Variants in RPS6KC1 observed in about 807,000 individuals in gnomAD.
RPS6KC1 encodes the protein inactive ribosomal protein S6 kinase delta-1.
RPS6KC1 carries 54 observed loss-of-function variants against 103.8 expected under a neutral mutation model. The observed-to-expected ratio is 0.52, with a 90% confidence interval of 0.42 to 0.65. The LOEUF (loss-of-function observed/expected upper bound fraction) is 0.65. Among genes scored for constraint, RPS6KC1 ranks in the 30% least tolerant of loss-of-function variants. The probability of loss-of-function intolerance (pLI) is 0.00; values close to 1 mark genes in which losing one functional copy is unlikely to be tolerated. For missense variants in RPS6KC1, 1,151 were observed against 1,253.8 expected (o/e 0.92, Z 1.24); for synonymous variants, 439 against 438.7 (o/e 1.00, Z -0.01).
chr1:213,528,273 G>A, the RPS6KC1 span, among the ~76,000 whole-genome samples: 1 of 152,170 alleles, frequency 6.6e-6, no homozygotes, highest in Non-Finnish European at 1.5e-5. Context: ...TTTTCATATG[G>A]CAGCAGCAAG....
the RPS6KC1 span, among the ~76,000 whole-genome samples, chr1:213,598,470 TC>T: frequency 6.6e-6 from 1 of 152,170 alleles, no homozygotes; most frequent in Admixed American, 6.5e-5. Context: ...CTTTGGGGCC[TC>T]AGTTTTCCTG....
chr1:213,576,822 A>G, the RPS6KC1 span, among the ~76,000 whole-genome samples: 1 of 152,228 alleles, frequency 6.6e-6, no homozygotes, highest in Non-Finnish European at 1.5e-5. Flanking sequence ...AAAACCAACC[A>G]AAAGCTAGGC....
chr1:213,840,960 G>T, the RPS6KC1 span: 1 of 152,128 alleles, frequency 6.6e-6, no homozygotes, highest in East Asian at 1.9e-4. Context: ...CCCAGCTCAG[G>T]ATCCACAAGC....
intron 7 of RPS6KC1, among the ~76,000 whole-genome samples, chr1:213,174,395 T>C (rs1028404611): frequency 3.9e-5 from 6 of 152,160 alleles, no homozygotes; most frequent in Admixed American, 2.6e-4. Context: ...ACTGGCCGGG[T>C]GTGCTGGCTT....
the RPS6KC1 span, among the ~76,000 whole-genome samples, chr1:213,313,627 A>G: frequency 6.6e-6 from 1 of 152,122 alleles, no homozygotes; most frequent in Non-Finnish European, 1.5e-5. Context: ...TGTTAGTTTG[A>G]TAATGCTATT....
chr1:213,857,743 C>G, the RPS6KC1 span, among the ~76,000 whole-genome samples: 22 of 152,318 alleles, frequency 1.4e-4, no homozygotes, highest in Middle Eastern at 6.8e-3. Context: ...AGACTGCCCC[C>G]ACTACACAGC....
intron 12 of RPS6KC1, among the ~76,000 whole-genome samples, chr1:213,253,405 A>G (rs2094578934): frequency 6.6e-6 from 1 of 152,204 alleles, no homozygotes; most frequent in Admixed American, 6.5e-5. Context: ...TTTAAAAGTG[A>G]TGTCTTTTAA....
the RPS6KC1 span, among the ~76,000 whole-genome samples, chr1:213,515,043 C>T: frequency 2.0e-5 from 3 of 152,092 alleles, no homozygotes; most frequent in Non-Finnish European, 2.9e-5. Flanking sequence ...AGAAGTATCT[C>T]TTCATATCCT....
the RPS6KC1 span, among the ~76,000 whole-genome samples, chr1:213,602,100 CTTTCTTTCTTTCTTTCTTTCTCTT>C: frequency 8.7e-5 from 2 of 22,910 alleles, no homozygotes; most frequent in South Asian, 1.8e-3. Context: ...TTCTTTCTTT[CTTTCTTTCTTTCTTTCTTTCTCTT>C]TCTTTCTTTC....
chr1:213,218,984 A>G (rs1004395734), intron 8 of RPS6KC1, among the ~76,000 whole-genome samples: 3 of 152,246 alleles, frequency 2.0e-5, no homozygotes, highest in Admixed American at 2.0e-4. Flanking sequence ...ACCAAAAGCA[A>G]TGGCAACAAA....
chr1:213,214,906 A>T (rs138016624), intron 8 of RPS6KC1, among the ~76,000 whole-genome samples: 437 of 152,334 alleles, frequency 2.9e-3, no homozygotes, highest in African/African-American at 9.8e-3. Context: ...CCAAAGGTAG[A>T]TAAAACCACA....
the RPS6KC1 span, among the ~76,000 whole-genome samples, chr1:213,758,704 G>A: frequency 2.0e-5 from 3 of 152,176 alleles, no homozygotes; most frequent in Non-Finnish European, 1.5e-5. Flanking sequence ...GACCTCAGTG[G>A]AGGAAGTAAC....
the RPS6KC1 span, among the ~76,000 whole-genome samples, chr1:213,756,988 G>T: frequency 6.6e-6 from 1 of 151,990 alleles, no homozygotes; most frequent in African/African-American, 2.4e-5. Flanking sequence ...ATTGTTTTGG[G>T]GGGACAACAA....
At chr1:213,318,943 G>A in the RPS6KC1 span, among the ~76,000 whole-genome samples, 1 of 152,178 alleles carries the variant, frequency 6.6e-6, no homozygotes, top group African/African-American at 2.4e-5. Flanking sequence ...GCTAATTAGG[G>A]AGGCTTAGAC....
At chr1:213,679,503 C>T in the RPS6KC1 span, among the ~76,000 whole-genome samples, 9 of 152,200 alleles carry the variant, frequency 5.9e-5, no homozygotes, top group African/African-American at 1.7e-4. Context: ...CTCAAAGTTA[C>T]TGATAGGAGG....
At position 213,161,351 on chromosome 1, in the gene RPS6KC1, C is replaced by T. The variant is rs192382589; in HGVS notation, c.836-6507C>T. Among the ~76,000 whole-genome samples, 145 of 151,378 alleles carry T rather than the reference C, an allele frequency of 9.6e-4. No individual in the cohort carries two copies. The Middle Eastern group carries it at 0.024, about 25-fold the overall frequency. On this transcript the variant is annotated intron_variant, in intron 6 of 14. Coordinates refer to ENST00000366960, the MANE Select transcript of RPS6KC1 (RefSeq NM_012424.6). ...TTTTTTTTTTTTGGTGACAAAGTCT[C>T]GCTCTGTCACCCAGGGTGGAGTGCA... is the stretch of plus-strand genomic sequence containing the variant.
chr1:213,172,230 C>T (rs1393609714), intron 7 of RPS6KC1, among the ~76,000 whole-genome samples: 1 of 152,060 alleles, frequency 6.6e-6, no homozygotes, highest in Non-Finnish European at 1.5e-5. Flanking sequence ...TCACTGAGAA[C>T]AGGAAATAAT....
At chr1:213,123,033 G>T (rs1290219188) in intron 5 of RPS6KC1, among the ~76,000 whole-genome samples, 1 of 152,104 alleles carries the variant, frequency 6.6e-6, no homozygotes, top group Non-Finnish European at 1.5e-5. Flanking sequence ...GGTATGCCAT[G>T]GGAATCATTA....
the RPS6KC1 span, among the ~76,000 whole-genome samples, chr1:213,609,979 T>C: frequency 6.6e-6 from 1 of 152,056 alleles, no homozygotes; most frequent in African/African-American, 2.4e-5. Context: ...ATTGTAAACA[T>C]ATTTCTAAGT....
Sources: allele counts gnomAD v4.1 joint callset (sites outside exome capture counted in the v4.1 genomes callset), GRCh38; gene constraint gnomAD v4.1.1; transcripts MANE v1.5; gene names NCBI Gene and HGNC (gene_info 2026-07-23, HGNC 2026-07-21).